GAS2L3: variants seen among roughly 807,000 people sequenced by gnomAD.
GAS2L3 encodes the protein growth arrest specific 2 like 3, also known as GAS2-like protein 3.
A neutral mutation model predicts 37.0 loss-of-function variants in GAS2L3; 28 were observed. The observed-to-expected ratio is 0.76, with a 90% CI of 0.56 to 1.04. The LOEUF is 1.04. Ranked by LOEUF, GAS2L3 falls within the 50% of genes least tolerant of loss-of-function variation. GAS2L3 has a pLI of 0.00. For synonymous variants in GAS2L3, 290 were observed against 296.6 expected (o/e 0.98, Z 0.23); for missense variants, 793 against 817.6 (o/e 0.97, Z 0.37).
At chr12:100,595,583 A>G (rs1480880247) in intron 3 of GAS2L3, among the ~76,000 whole-genome samples, 3 of 151,994 alleles carry the variant, frequency 2.0e-5, no homozygotes, top group Non-Finnish European at 4.4e-5. Context: ...TAAAAGTCAC[A>G]TTGAAGGTCT....
chr12:100,616,220 T>A (rs935543749), intron 6 of GAS2L3, among the ~76,000 whole-genome samples: 1 of 152,218 alleles, frequency 6.6e-6, no homozygotes, highest in African/African-American at 2.4e-5. Context: ...TACTTCTAAG[T>A]ACTTTTTCTT....
At chr12:100,589,246 A>C (rs919086884) in intron 1 of GAS2L3, among the ~76,000 whole-genome samples, 5 of 152,210 alleles carry the variant, frequency 3.3e-5, no homozygotes, top group Non-Finnish European at 5.9e-5. Flanking sequence ...TCTGGATACA[A>C]GCTTAATGTA....
At chr12:100,582,584 A>G (rs1955726876) in intron 1 of GAS2L3, among the ~76,000 whole-genome samples, 1 of 152,216 alleles carries the variant, frequency 6.6e-6, no homozygotes, top group South Asian at 2.1e-4. Flanking sequence ...TATGAAAAAT[A>G]TATTTCTTTT....
At chr12:100,591,592 C>A (rs1433774948) in intron 1 of GAS2L3, 144 bp from the exon 2 acceptor site, 1 of 152,110 alleles carries the variant, frequency 6.6e-6, no homozygotes, top group Non-Finnish European at 1.5e-5. Flanking sequence ...TAAATTATAT[C>A]AAATGAACTA....
In GAS2L3 at chr12:100,590,785, C is replaced by A. The variant is rs1020596550; in HGVS notation, c.-151-951C>A. ...AATGAATTAACAGCATTTGCAGTGA[C>A]CTGGATGAGATTGAAGACTATTATT... On this transcript the variant is annotated intron_variant, in intron 1 of 9. Coordinates refer to ENST00000547754, the MANE Select transcript of GAS2L3 (RefSeq NM_174942.3). Among the ~76,000 whole-genome samples, 27 of 152,188 alleles carry A rather than the reference C, an allele frequency of 1.8e-4. 1 individual carries two copies. The East Asian group carries it at 3.1e-3, about 17-fold the overall frequency.
chr12:100,590,373 C>G (rs7304204), intron 1 of GAS2L3, among the ~76,000 whole-genome samples: 2 of 152,026 alleles, frequency 1.3e-5, no homozygotes, highest in Non-Finnish European at 2.9e-5. Flanking sequence ...TGTGATACTA[C>G]CTCACTATTG....
At chr12:100,591,618 A>C (rs1414779487) in intron 1 of GAS2L3, 118 bp from the exon 2 acceptor site, 1 of 152,170 alleles carries the variant, frequency 6.6e-6, no homozygotes, top group Non-Finnish European at 1.5e-5. Flanking sequence ...ATGTCTCATC[A>C]CCATATTCAT....
chr12:100,584,807 G>A (rs1234761632), intron 1 of GAS2L3, among the ~76,000 whole-genome samples: 30 of 150,856 alleles, frequency 2.0e-4, no homozygotes, highest in African/African-American at 6.8e-4. Context: ...TCAAGACCTC[G>A]TGAACCACCC....
intron 5 of GAS2L3, among the ~76,000 whole-genome samples, chr12:100,609,444 C>T (rs1413034234): frequency 6.6e-5 from 10 of 152,132 alleles, no homozygotes; most frequent in Non-Finnish European, 1.2e-4. Context: ...CCAGTTGCTG[C>T]GCTCCCTGTC....
chr12:100,626,446 C>T lies in GAS2L3; in HGVS notation c.*1556C>T, dbSNP rs570326686. On this transcript the variant is annotated 3_prime_UTR_variant, in exon 10 of 10. Transcript: ENST00000547754. ...CAGTCACCAAATACTTGGTTTAACTCGACTATTGACTTGGGCATTGAGAGA... is the reference window on the plus strand; with the variant it reads ...CAGTCACCAAATACTTGGTTTAACTTGACTATTGACTTGGGCATTGAGAGA... 1.2e-4 allele frequency: 19 copies of T among 152,196 alleles called. No individual in the cohort carries two copies. Among genetic ancestry groups the T allele is most frequent in the African/African-American group, 2.6e-4 (11 of 41,522 alleles). 9.4% of individuals were successfully genotyped at this position (152,196 alleles called of 1,614,324 possible).
At chr12:100,603,976 TC>T (rs1200973149) in intron 5 of GAS2L3, among the ~76,000 whole-genome samples, 1 of 152,084 alleles carries the variant, frequency 6.6e-6, no homozygotes, top group African/African-American at 2.4e-5. Flanking sequence ...TCTTTTCTGT[TC>T]CATTGGTCTG....
rs945698541 is a variant in GAS2L3, at chr12:100,601,679, A to C, written c.229A>C (p.Asn77His). 1 of 1,601,298 alleles carries C rather than the reference A, an allele frequency of 6.2e-7. No individual in the cohort carries two copies. Among genetic ancestry groups the C allele is most frequent in the Admixed American group, 1.7e-5 (1 of 59,452 alleles). ...KAEKLLEELD[N>H]GVLLCQLIDV... The stretch of plus-strand genomic sequence containing the variant: ...AGAAAAATTATTGGAAGAACTTGAT[A>C]ATGGAGTACTATTATGTCAACTGAT... The change falls in exon 5 of 10, where the codon AAT becomes CAT. Residue 77 changes from asparagine (N) to histidine (H), a missense_variant. Asn to His is a moderately conservative substitution (Grantham distance 68). Coordinates refer to ENST00000547754, the MANE Select transcript of GAS2L3 (RefSeq NM_174942.3).
chr12:100,610,640 G>A (rs767965607), intron 5 of GAS2L3, among the ~76,000 whole-genome samples: 6 of 152,112 alleles, frequency 3.9e-5, no homozygotes, highest in Non-Finnish European at 8.8e-5. Flanking sequence ...GGTAATAGTG[G>A]TTAACTCTAG....
chr12:100,584,972 T>TCTGCTTC (rs1202911956), intron 1 of GAS2L3, among the ~76,000 whole-genome samples: 1 of 146,102 alleles, frequency 6.8e-6, no homozygotes, highest in Non-Finnish European at 1.5e-5. Flanking sequence ...CCCTGCAAGC[T>TCTGCTTC]CTGCCTCCTG....
chr12:100,628,233 G>A lies in GAS2L3; in HGVS notation c.*3343G>A, dbSNP rs1436122804. 1.3e-5 allele frequency: 2 copies of A among 152,094 alleles called. No individual in the cohort carries two copies. The highest frequency in any genetic ancestry group is 2.9e-5 in the Non-Finnish European group (2 of 68,000). The allele number at this position is 152,094 out of a possible 1,614,324, so 9.4% of individuals were successfully genotyped here. A position where few individuals can be genotyped will look rare whatever the true frequency, so the allele number is the denominator to read the frequency against. On this transcript the variant is annotated 3_prime_UTR_variant, in exon 10 of 10. Coordinates refer to ENST00000547754, the MANE Select transcript of GAS2L3 (RefSeq NM_174942.3). Reference sequence around the variant, plus strand: ...ATATTTTCTTATGCCAGCAGTATTTGTATCCAATTTTAACTTAGGTTTGTT... The same window carrying A: ...ATATTTTCTTATGCCAGCAGTATTTATATCCAATTTTAACTTAGGTTTGTT...
In GAS2L3 at chr12:100,602,706, C is replaced by T. The variant is rs183296115; in HGVS notation, c.303+953C>T. On this transcript the variant is annotated intron_variant, in intron 5 of 9. Transcript: ENST00000547754. ...ATTAAATTATTATTGACTGTAGTCA[C>T]CCTGTTGTGCTATCAAATACTAGGT... Among the ~76,000 whole-genome samples the T allele has an allele frequency of 3.9e-3, 593 of 152,106 alleles. 4 individuals carry two copies. Among genetic ancestry groups the T allele is most frequent in the Admixed American group, 7.1e-3 (108 of 15,250 alleles).
chr12:100,627,940 C>T lies in GAS2L3; in HGVS notation c.*3050C>T, dbSNP rs1287051662. Reference sequence around the variant, plus strand: ...ACAATGAAATGCCGATTATTTTTACCTTGTTTGGGCTTAAAGTAGGTATTT... The same window carrying T: ...ACAATGAAATGCCGATTATTTTTACTTTGTTTGGGCTTAAAGTAGGTATTT... On this transcript the variant is annotated 3_prime_UTR_variant, in exon 10 of 10. Coordinates refer to ENST00000547754, the MANE Select transcript of GAS2L3 (RefSeq NM_174942.3). 2 of 151,864 alleles carry T rather than the reference C, an allele frequency of 1.3e-5. No homozygotes were observed. The highest frequency in any genetic ancestry group is 4.8e-5 in the African/African-American group (2 of 41,320). The allele number at this position is 151,864 out of a possible 1,614,324, so 9.4% of individuals were successfully genotyped here.
At position 100,619,998 on chromosome 12, in the gene GAS2L3, C is replaced by T. The variant is rs554924930; in HGVS notation, c.648+1411C>T. Among the ~76,000 whole-genome samples, 5 of 152,088 alleles carry T rather than the reference C, an allele frequency of 3.3e-5. No individual in the cohort carries two copies. The South Asian group carries it at 8.3e-4, about 25-fold the overall frequency. On this transcript the variant is annotated intron_variant, in intron 8 of 9. Coordinates refer to ENST00000547754, the MANE Select transcript of GAS2L3 (RefSeq NM_174942.3). ...CTATTAAACCTGGTGCTTTTAAATT[C>T]TAGCAAACTGTACTTAGTGTTTACT...
At chr12:100,614,263 A>C (rs1956160788) in intron 6 of GAS2L3, among the ~76,000 whole-genome samples, 1 of 152,114 alleles carries the variant, frequency 6.6e-6, no homozygotes, top group Admixed American at 6.5e-5. Context: ...CAGGAGTTTG[A>C]GACCAGCTTG....
Sources: allele counts gnomAD v4.1 joint callset (sites outside exome capture counted in the v4.1 genomes callset), GRCh38; gene constraint gnomAD v4.1.1; transcripts MANE v1.5; gene names NCBI Gene and HGNC (gene_info 2026-07-23, HGNC 2026-07-21).